Variants in MTMR10 observed in about 807,000 individuals in gnomAD.
MTMR10 encodes myotubularin related protein 10.
In MTMR10, 56 loss-of-function variants were observed where a neutral mutation model predicts 88.1. The ratio of observed to expected loss-of-function variants is 0.64; its 90% confidence interval spans 0.51 to 0.79. The LOEUF (loss-of-function observed/expected upper bound fraction) is 0.79, where lower values mean the gene tolerates loss of function less well. Ranked by LOEUF, MTMR10 falls within the 30% of genes least tolerant of loss-of-function variation. The pLI is 0.00. For synonymous variants in MTMR10, 380 were observed against 340.9 expected, an observed-to-expected ratio of 1.11 and a Z score of -1.26; for missense variants, 883 against 924.7, an observed-to-expected ratio of 0.95 and a Z score of 0.58.
chr15:30,980,404 A>G (rs935331798), intron 2 of MTMR10, among the ~76,000 whole-genome samples: 1 of 152,250 alleles, frequency 6.6e-6, no homozygotes, highest in Non-Finnish European at 1.5e-5. Context: ...TTTGGAAATG[A>G]ACCCCGAGGG....
intron 1 of MTMR10, chr15:30,991,227 C>G (rs1353982954): frequency 1.0e-5 from 5 of 495,354 alleles, no homozygotes; most frequent in Non-Finnish European, 1.7e-5. Flanking sequence ...GACAGAACTT[C>G]GGGCAGAGAA....
chr15:30,944,655 G>C (rs1161975127), intron 14 of MTMR10, among the ~76,000 whole-genome samples: 1 of 151,940 alleles, frequency 6.6e-6, no homozygotes, highest in Non-Finnish European at 1.5e-5. Context: ...ACTGTTAAGA[G>C]CTGAAATCTA....
the MTMR10 span, chr15:30,928,663 C>T: frequency 5.0e-6 from 8 of 1,613,838 alleles, no homozygotes; most frequent in Non-Finnish European, 6.8e-6. Flanking sequence ...TCAGGTACTC[C>T]AGTGCCCCTG....
chr15:30,980,981 A>G (rs1022503893), intron 2 of MTMR10, among the ~76,000 whole-genome samples: 2 of 152,238 alleles, frequency 1.3e-5, no homozygotes, highest in African/African-American at 4.8e-5. Context: ...CCAATTAATA[A>G]ATGTAGGAGG....
the MTMR10 span, chr15:30,927,351 A>G: frequency 3.0e-6 from 3 of 985,514 alleles, no homozygotes; most frequent in African/African-American, 5.2e-5. Flanking sequence ...GAAGTGTTCT[A>G]GGAAGAAAAG....
In MTMR10 at chr15:30,982,702, G is replaced by C. The variant is rs1031567256; in HGVS notation, c.122-5747C>G. Among the ~76,000 whole-genome samples, 4 of 152,276 alleles carry C rather than the reference G, an allele frequency of 2.6e-5. No homozygotes were observed. The East Asian group carries it at 5.8e-4, about 22-fold the overall frequency. The stretch of plus-strand genomic sequence containing the variant: ...CTTCCTATTACAATAATTAAGTGTC[G>C]AGTTAGTGACATGAGTTTTATTTGA... On this transcript the variant is annotated intron_variant, in intron 2 of 15. Transcript: ENST00000435680.
intron 7 of MTMR10, 25 bp from the exon 8 acceptor site, chr15:30,959,146 T>C: frequency 1.3e-6 from 2 of 1,543,296 alleles, no homozygotes; most frequent in Non-Finnish European, 8.8e-7. Flanking sequence ...AAAAATTATA[T>C]GAGTGCTGTG....
chr15:30,920,835 GGT>G, the MTMR10 span, among the ~76,000 whole-genome samples: 1 of 152,146 alleles, frequency 6.6e-6, no homozygotes, highest in Non-Finnish European at 1.5e-5. Context: ...CCTAGGCTGG[GGT>G]GCAGTGGCAG....
the MTMR10 span, chr15:30,929,066 AT>A: frequency 1.2e-6 from 1 of 830,834 alleles, no homozygotes; most frequent in Non-Finnish European, 1.9e-6. Flanking sequence ...TTTTATATCA[AT>A]TAACTTTTAC....
intron 11 of MTMR10, 45 bp from the exon 12 acceptor site, chr15:30,952,083 C>T: frequency 6.8e-7 from 1 of 1,477,122 alleles, no homozygotes; most frequent in Non-Finnish European, 9.4e-7. Flanking sequence ...CAAATTTCCA[C>T]TACAAATACA....
At chr15:30,963,678 T>TAGAC (rs147897131) in intron 6 of MTMR10, among the ~76,000 whole-genome samples, 5 of 146,542 alleles carry the variant, frequency 3.4e-5, no homozygotes, top group East Asian at 2.0e-4. Context: ...GACAGATAGA[T>TAGAC]AGATAGATAG....
intron 6 of MTMR10, chr15:30,965,774 C>T: frequency 3.4e-6 from 1 of 296,904 alleles, no homozygotes; most frequent in Admixed American, 4.4e-5. Context: ...TGAATGAAAA[C>T]CTGAGTGACT....
At chr15:30,947,750 C>A (rs796508294) in intron 13 of MTMR10, among the ~76,000 whole-genome samples, 3 of 152,212 alleles carry the variant, frequency 2.0e-5, no homozygotes, top group African/African-American at 7.2e-5. Flanking sequence ...GTGGTGTGTC[C>A]CCAAGTGCAG....
intron 14 of MTMR10, chr15:30,943,441 G>A: frequency 1.0e-6 from 1 of 985,176 alleles, no homozygotes; most frequent in Non-Finnish European, 1.2e-6. Context: ...CACACGGTCA[G>A]TACATTTAAG....
At chr15:30,984,665 T>A (rs1008545187) in intron 2 of MTMR10, among the ~76,000 whole-genome samples, 1 of 152,156 alleles carries the variant, frequency 6.6e-6, no homozygotes, top group African/African-American at 2.4e-5. Flanking sequence ...AGATGGCCCA[T>A]GGTTGTATGC....
chr15:30,929,244 C>T, the MTMR10 span: 2 of 1,613,334 alleles, frequency 1.2e-6, no homozygotes, highest in Non-Finnish European at 1.7e-6. Flanking sequence ...TCTTCACAAG[C>T]AGACGCCCAG....
chr15:30,951,262 A>G (rs1388160629), intron 12 of MTMR10, among the ~76,000 whole-genome samples: 2 of 152,216 alleles, frequency 1.3e-5, no homozygotes, highest in South Asian at 2.1e-4. Context: ...AAATTTCTTC[A>G]TCTCAAACTG....
At chr15:30,975,155 CAGAT>C (rs2030030969) in intron 3 of MTMR10, among the ~76,000 whole-genome samples, 152 bp from the exon 4 acceptor site, 1 of 152,030 alleles carries the variant, frequency 6.6e-6, no homozygotes, top group Non-Finnish European at 1.5e-5. Flanking sequence ...CCAATGTTGA[CAGAT>C]AGAAATTAGG....
rs551720441 is a variant in MTMR10, at chr15:30,972,852, T to C, written c.474+1462A>G. ...TTATTATTTCCACTCATTAAAATAG[T>C]GTAAACTGAAAAATACAGTAAAAGA... On this transcript the variant is annotated intron_variant, in intron 5 of 15. Transcript: ENST00000435680. Among the ~76,000 whole-genome samples, 103 of 152,246 alleles carry C rather than the reference T, an allele frequency of 6.8e-4. 1 individual carries two copies. The highest frequency in any genetic ancestry group is 2.4e-3 in the African/African-American group (98 of 41,544).
Sources: gnomAD v4.1 joint callset for allele counts (sites outside exome capture counted in the v4.1 genomes callset) on GRCh38, gnomAD v4.1.1 for gene constraint, MANE v1.5 for transcripts, NCBI Gene and HGNC (gene_info 2026-07-23, HGNC 2026-07-21) for gene names.